Variants in ALMS1 observed in about 807,000 individuals in gnomAD.
The protein encoded by ALMS1 is centrosome-associated protein ALMS1.
Under a neutral mutation model 352.2 loss-of-function variants are expected in ALMS1, and 271 were observed. The observed-to-expected ratio is 0.77, with a 90% confidence interval of 0.70 to 0.85. The LOEUF (loss-of-function observed/expected upper bound fraction) is 0.85, where lower values mean the gene tolerates loss of function less well. Ranked by LOEUF, ALMS1 falls within the 40% of genes least tolerant of loss-of-function variation. The probability of loss-of-function intolerance (pLI) is 0.00; values close to 1 mark genes in which losing one functional copy is unlikely to be tolerated. For synonymous variants in ALMS1, 1,865 were observed against 1,761.2 expected (o/e 1.06, Z -1.48); for missense variants, 5,445 against 4,870.7 (o/e 1.12, Z -3.51).
In ALMS1 at chr2:73,572,905, G is replaced by C; in HGVS notation, c.11028G>C (p.Lys3676Asn). The change falls in exon 16 of 23, where the codon AAG (lysine) becomes AAC (asparagine). Residue 3676 changes from lysine to asparagine, a missense_variant. Physicochemically the swap from Lys to Asn is moderately conservative, Grantham distance 94. Coordinates refer to ENST00000613296, the MANE Select transcript of ALMS1 (RefSeq NM_001378454.1). ...AGCAGAGAAATAAGCTTCAGAAAAA[G>C]AAGCGGTTTAAAAGCCTAGAGAAAA... is the stretch of plus-strand genomic sequence containing the variant. ...RQQQRNKLQK[K>N]KRFKSLEKSH... 8 of 1,614,064 alleles carry C rather than the reference G, an allele frequency of 5.0e-6. No homozygotes were observed. The highest frequency in any genetic ancestry group is 6.8e-6 in the Non-Finnish European group (8 of 1,179,994).
At position 73,448,245 on chromosome 2, in the gene ALMS1, G is replaced by T. The variant is rs1335942812; in HGVS notation, c.1718G>T (p.Ser573Ile). 6 of 1,613,712 alleles carry T rather than the reference G, an allele frequency of 3.7e-6. No individual in the cohort carries two copies. The highest frequency in any genetic ancestry group is 4.2e-6 in the Non-Finnish European group (5 of 1,179,870). ...QKTATPTVLS[S>I]SHSHRGKPSI... The stretch of plus-strand genomic sequence containing the variant: ...ACTGCAACACCAACAGTACTCTCTA[G>T]TTCCCACTCACATAGGGGGAAGCCC... The change falls in exon 8 of 23, where the codon AGT becomes ATT. Residue 573 changes from serine to isoleucine, a missense_variant. Coordinates refer to ENST00000613296, the MANE Select transcript of ALMS1 (RefSeq NM_001378454.1).
chr2:73,558,103 T>G (rs1274511072), intron 14 of ALMS1, among the ~76,000 whole-genome samples: 2 of 152,194 alleles, frequency 1.3e-5, no homozygotes, highest in African/African-American at 4.8e-5. Context: ...TCCTTTTGCA[T>G]TCTATTGGCC....
intron 15 of ALMS1, among the ~76,000 whole-genome samples, chr2:73,565,535 C>T (rs908339182): frequency 2.0e-5 from 3 of 152,150 alleles, no homozygotes; most frequent in Non-Finnish European, 2.9e-5. Flanking sequence ...TGGAACATAA[C>T]TCCCACTCTT....
chr2:73,598,724 C>T (rs988665069), intron 16 of ALMS1, among the ~76,000 whole-genome samples: 2 of 152,124 alleles, frequency 1.3e-5, no homozygotes, highest in African/African-American at 2.4e-5. Flanking sequence ...TCCTTATTAA[C>T]GATGGAGATA....
rs1445174927 is a variant in ALMS1 at position 73,483,729 on chromosome 2, A to C, written c.7675-5905A>C. Among the ~76,000 whole-genome samples the C allele has an allele frequency of 8.0e-5, 12 of 149,750 alleles. No homozygotes were observed. The South Asian group carries it at 1.7e-3, about 21-fold the overall frequency. On this transcript the variant is annotated intron_variant, in intron 9 of 22. Transcript: ENST00000613296. ...GTCTAAGTCTCTTTGTAGGTCACTC[A>C]GGACTTGCTTTATGAATCTGGGTGC...
intron 13 of ALMS1, among the ~76,000 whole-genome samples, chr2:73,551,425 C>CTTTT (rs372741747): frequency 9.5e-5 from 7 of 73,700 alleles, no homozygotes; most frequent in South Asian, 3.9e-4. Context: ...GAGTTTCAAT[C>CTTTT]TTTTTTTTTT....
intron 12 of ALMS1, among the ~76,000 whole-genome samples, chr2:73,536,199 A>C (rs1674024334): frequency 6.6e-6 from 1 of 152,242 alleles, no homozygotes; most frequent in South Asian, 2.1e-4. Context: ...CTTCTGTCCC[A>C]CTTACTCATA....
intron 21 of ALMS1, 47 bp from the exon 22 acceptor site, chr2:73,608,428 C>T (rs1278941307): frequency 1.3e-6 from 2 of 1,488,826 alleles, no homozygotes; most frequent in South Asian, 2.3e-5. Flanking sequence ...ACTCTGCACC[C>T]TGGTAACCTC....
At chr2:73,458,242 C>T (rs1052993103) in intron 9 of ALMS1, 6 of 152,092 alleles carry the variant, frequency 3.9e-5, no homozygotes, top group South Asian at 2.1e-4. Context: ...ACACTGTGTA[C>T]GGTTTTGGAC....
chr2:73,489,784 C>A lies in ALMS1; in HGVS notation c.7825C>A (p.Pro2609Thr), dbSNP rs2103889689. 3 of 1,614,138 alleles carry A rather than the reference C, an allele frequency of 1.9e-6. No homozygotes were observed. Among genetic ancestry groups the A allele is most frequent in the Non-Finnish European group, 2.5e-6 (3 of 1,180,026 alleles). ...CCCTTGTGCTTTCAGATCTGCTGGA[C>A]CCTCAGAAATGACCAGAGGACGGCA... is the stretch of plus-strand genomic sequence containing the variant. The part of the protein sequence containing the change: ...RHPCAFRSAG[P>T]SEMTRGRQNP... Residue 2609 changes from proline (P) to threonine (T), a missense_variant, in exon 10 of 23, where the codon CCC (proline) becomes ACC (threonine). Transcript: ENST00000613296.
Position 73,448,392 on chromosome 2 carries a change from A to G in ALMS1, c.1865A>G (p.Tyr622Cys), listed in dbSNP as rs193922693. ...ATGTCAACTCTAACCTCTACTTCCTACTCACATAGAGAGAAGCCTGGTACT... is the reference window on the plus strand; with the variant it reads ...ATGTCAACTCTAACCTCTACTTCCTGCTCACATAGAGAGAAGCCTGGTACT... Reference protein sequence around the residue: ...TGMSTLTSTSYSHREKPGTFY... With the variant: ...TGMSTLTSTSCSHREKPGTFY... Residue 622 changes from tyrosine (Y) to cysteine (C), a missense_variant, in exon 8 of 23, where the codon TAC (tyrosine) becomes TGC (cysteine). Coordinates refer to ENST00000613296, the MANE Select transcript of ALMS1 (RefSeq NM_001378454.1). 4 of 1,613,830 alleles carry G rather than the reference A, an allele frequency of 2.5e-6. No individual in the cohort carries two copies. The highest frequency in any genetic ancestry group is 1.7e-5 in the Admixed American group (1 of 59,978).
chr2:73,411,973 G>A (rs374344631), intron 2 of ALMS1, among the ~76,000 whole-genome samples: 3 of 152,012 alleles, frequency 2.0e-5, no homozygotes, highest in South Asian at 4.1e-4. Flanking sequence ...CTACTGCTTC[G>A]GTCAATATTC....
chr2:73,583,923 C>T (rs1675254333), intron 16 of ALMS1, among the ~76,000 whole-genome samples: 1 of 152,112 alleles, frequency 6.6e-6, no homozygotes, highest in African/African-American at 2.4e-5. Context: ...GTGAATACTC[C>T]AACATTGTTC....
At chr2:73,439,101 TCTC>T (rs1167688251) in intron 7 of ALMS1, among the ~76,000 whole-genome samples, 4 of 148,732 alleles carry the variant, frequency 2.7e-5, no homozygotes, top group South Asian at 2.1e-4. Context: ...TCTTTCTTTT[TCTC>T]CTCCTCCTCC....
chr2:73,459,333 G>C (rs1672139030), intron 9 of ALMS1: 2 of 152,072 alleles, frequency 1.3e-5, no homozygotes, highest in Non-Finnish European at 2.9e-5. Context: ...GTATCTGCTG[G>C]TTTGTGTGTT....
At chr2:73,409,082 G>A (rs995976710) in intron 2 of ALMS1, among the ~76,000 whole-genome samples, 1 of 151,674 alleles carries the variant, frequency 6.6e-6, no homozygotes, top group African/African-American at 2.4e-5. Flanking sequence ...TCGCTTTGTT[G>A]CCCAGGCTGG....
intron 7 of ALMS1, among the ~76,000 whole-genome samples, chr2:73,442,651 C>T (rs186783805): frequency 1.1e-4 from 16 of 152,276 alleles, no homozygotes; most frequent in African/African-American, 3.8e-4. Context: ...GTTAGTGGTA[C>T]AGTACTGGCT....
chr2:73,401,644 G>A lies in ALMS1; in HGVS notation c.325-6978G>A, dbSNP rs77690987. On this transcript the variant is annotated intron_variant, in intron 1 of 22. Coordinates refer to ENST00000613296, the MANE Select transcript of ALMS1 (RefSeq NM_001378454.1). ...CTAGTGAAATGGTTGCCATAGTCAA[G>A]CAAATTAACATATTCGTGATCTCAC... Among the ~76,000 whole-genome samples the A allele has an allele frequency of 7.0e-3, 1,050 of 149,136 alleles. 3 individuals carry two copies. Among genetic ancestry groups the A allele is most frequent in the Non-Finnish European group, 0.012 (831 of 67,590 alleles).
intron 2 of ALMS1, among the ~76,000 whole-genome samples, chr2:73,417,097 A>G (rs1223495417): frequency 6.6e-6 from 1 of 151,892 alleles, no homozygotes; most frequent in Middle Eastern, 3.2e-3. Context: ...TGTCTCACAC[A>G]CACAAAAAAA....
Sources: allele counts gnomAD v4.1 joint callset (sites outside exome capture counted in the v4.1 genomes callset), GRCh38; gene constraint gnomAD v4.1.1; transcripts MANE v1.5; gene names NCBI Gene and HGNC (gene_info 2026-07-23, HGNC 2026-07-21).